Variants in DGKB observed in about 807,000 individuals in gnomAD.
The protein encoded by DGKB is diacylglycerol kinase beta, also known as 90 kDa diacylglycerol kinase.
A neutral mutation model predicts 114.3 loss-of-function variants in DGKB; 67 were observed. The observed-to-expected ratio is 0.59, with a 90% CI of 0.48 to 0.72. DGKB has a LOEUF of 0.72. Among genes scored for constraint, DGKB ranks in the 30% least tolerant of loss-of-function variants. DGKB has a pLI of 0.00. For synonymous variants in DGKB, 398 were observed against 323.1 expected (o/e 1.23, Z -2.49); for missense variants, 907 against 975.2 (o/e 0.93, Z 0.93).
intron 1 of DGKB, among the ~76,000 whole-genome samples, chr7:14,918,507 C>G (rs911714773): frequency 3.3e-5 from 5 of 151,992 alleles, no homozygotes; most frequent in African/African-American, 2.4e-5. Flanking sequence ...ACCATTTACT[C>G]TAAAATCAGT....
At chr7:14,771,535 T>C (rs1482260353) in intron 2 of DGKB, among the ~76,000 whole-genome samples, 1 of 152,104 alleles carries the variant, frequency 6.6e-6, no homozygotes, top group Non-Finnish European at 1.5e-5. Flanking sequence ...AGGACAAAGC[T>C]CTGATTTTTT....
At chr7:14,386,774 G>A (rs555050229) in intron 21 of DGKB, among the ~76,000 whole-genome samples, 1 of 152,164 alleles carries the variant, frequency 6.6e-6, no homozygotes, top group East Asian at 1.9e-4. Flanking sequence ...TCTTCTAAAT[G>A]ATCAAATATT....
chr7:14,897,508 T>C (rs1782292098), intron 1 of DGKB, among the ~76,000 whole-genome samples: 1 of 151,942 alleles, frequency 6.6e-6, no homozygotes, highest in Non-Finnish European at 1.5e-5. Flanking sequence ...AACTTCACAC[T>C]ATTGTCCCAC....
At chr7:14,826,562 G>T (rs1192482772) in intron 2 of DGKB, among the ~76,000 whole-genome samples, 2 of 151,994 alleles carry the variant, frequency 1.3e-5, no homozygotes, top group African/African-American at 2.4e-5. Context: ...TCACCTAAAA[G>T]ATAATATATC....
intron 4 of DGKB, among the ~76,000 whole-genome samples, chr7:14,748,316 TAAA>T (rs1392220001): frequency 1.3e-5 from 2 of 152,094 alleles, no homozygotes; most frequent in Non-Finnish European, 2.9e-5. Flanking sequence ...AGAAAAAAAA[TAAA>T]GAAGAAAAAG....
intron 25 of DGKB, among the ~76,000 whole-genome samples, chr7:14,173,765 G>T (rs1188717127): frequency 1.3e-5 from 2 of 152,084 alleles, no homozygotes; most frequent in African/African-American, 2.4e-5. Flanking sequence ...TGCGGCTGTG[G>T]GAAAAGTAGA....
In DGKB at chr7:14,499,638, T is replaced by G. The variant is rs148314490; in HGVS notation, c.1771-21413A>C. Among the ~76,000 whole-genome samples, 5 of 151,878 alleles carry G rather than the reference T, an allele frequency of 3.3e-5. No homozygotes were observed. The East Asian group carries it at 9.7e-4, about 29-fold the overall frequency. On this transcript the variant is annotated intron_variant, in intron 20 of 25. Transcript: ENST00000402815. ...AAATTCTTTTTACAAGCAAGGAAAC[T>G]GAGGCAACACCTTAAATGGAATGAT...
At chr7:14,401,788 A>T (rs1196133762) in intron 21 of DGKB, among the ~76,000 whole-genome samples, 1 of 151,748 alleles carries the variant, frequency 6.6e-6, no homozygotes, top group Non-Finnish European at 1.5e-5. Context: ...ATCTCTCTCA[A>T]CTCAAAAGAC....
intron 2 of DGKB, among the ~76,000 whole-genome samples, chr7:14,784,228 T>C (rs1023335152): frequency 6.6e-6 from 1 of 152,142 alleles, no homozygotes; most frequent in South Asian, 2.1e-4. Context: ...CTGCTCTGTG[T>C]GTTCTATCGT....
intron 4 of DGKB, among the ~76,000 whole-genome samples, chr7:14,746,949 T>C (rs1276849404): frequency 1.3e-5 from 2 of 150,192 alleles, no homozygotes; most frequent in South Asian, 4.2e-4. Flanking sequence ...GCAATAATTC[T>C]AAAAAAAAAA....
intron 21 of DGKB, among the ~76,000 whole-genome samples, chr7:14,447,074 C>A (rs1054621965): frequency 2.8e-4 from 43 of 152,122 alleles, no homozygotes; most frequent in African/African-American, 1.0e-3. Flanking sequence ...TTTTGGCAAA[C>A]CCTGTGGGTT....
chr7:14,286,028 G>A (rs1386352837), intron 23 of DGKB, among the ~76,000 whole-genome samples: 3 of 152,122 alleles, frequency 2.0e-5, no homozygotes, highest in Admixed American at 2.0e-4. Context: ...GAAGGTGACA[G>A]AAATTAAAGG....
chr7:14,296,119 C>T (rs951155312), intron 23 of DGKB, among the ~76,000 whole-genome samples: 1 of 151,728 alleles, frequency 6.6e-6, no homozygotes, highest in Non-Finnish European at 1.5e-5. Flanking sequence ...GCAACCTCCA[C>T]CTCCCAGGTT....
In DGKB at chr7:14,251,161, T is replaced by A. The variant is rs566686240; in HGVS notation, c.2123-73010A>T. On this transcript the variant is annotated intron_variant, in intron 23 of 25. Transcript: ENST00000402815. The stretch of plus-strand genomic sequence containing the variant: ...TTGTTACTAGGACAGGACTTCCCAC[T>A]GTTATTTTGTTGTTTTCTGACTGCT... Among the ~76,000 whole-genome samples, 243 of 152,258 alleles carry A rather than the reference T, an allele frequency of 1.6e-3. 2 individuals are homozygous for A. Among genetic ancestry groups the A allele is most frequent in the Non-Finnish European group, 1.4e-3 (92 of 67,986 alleles).
intron 21 of DGKB, among the ~76,000 whole-genome samples, chr7:14,356,697 T>TCA (rs1814613539): frequency 6.6e-6 from 1 of 152,138 alleles, no homozygotes; most frequent in African/African-American, 2.4e-5. Context: ...TGTTAGGGTG[T>TCA]GGATTTTAGA....
intron 13 of DGKB, among the ~76,000 whole-genome samples, chr7:14,642,029 A>G (rs1811899957): frequency 6.6e-6 from 1 of 152,088 alleles, no homozygotes; most frequent in African/African-American, 2.4e-5. Context: ...TAGGGATAGC[A>G]TGATCTCTTT....
Position 14,898,314 on chromosome 7 carries a change from G to T in DGKB, c.-188+4278C>A, listed in dbSNP as rs1044461975. Reference sequence around the variant, plus strand: ...TGGAGGGTTATAATAAGCCAGTTGTGGTTAATAGTGGATTTAGATCCTTTT... The same window carrying T: ...TGGAGGGTTATAATAAGCCAGTTGTTGTTAATAGTGGATTTAGATCCTTTT... On this transcript the variant is annotated intron_variant, in intron 1 of 25. Transcript: ENST00000402815. Among the ~76,000 whole-genome samples, 5 of 152,082 alleles carry T rather than the reference G, an allele frequency of 3.3e-5. No individual in the cohort carries two copies. In the South Asian group the frequency reaches 1.0e-3, roughly 32 times the overall value.
chr7:14,957,136 G>A (rs1276511547), intron 1 of DGKB, among the ~76,000 whole-genome samples: 1 of 151,482 alleles, frequency 6.6e-6, no homozygotes, highest in Non-Finnish European at 1.5e-5. Flanking sequence ...GAATATCCCA[G>A]TTTTTTTAAA....
At chr7:14,169,952 T>A (rs1002252536) in intron 25 of DGKB, among the ~76,000 whole-genome samples, 1 of 151,594 alleles carries the variant, frequency 6.6e-6, no homozygotes, top group Non-Finnish European at 1.5e-5. Flanking sequence ...CTGACCAACA[T>A]GGAGAAACCC....
Sources: gnomAD v4.1 joint callset for allele counts (sites outside exome capture counted in the v4.1 genomes callset) on GRCh38, gnomAD v4.1.1 for gene constraint, MANE v1.5 for transcripts, NCBI Gene and HGNC (gene_info 2026-07-23, HGNC 2026-07-21) for gene names.